The following TOX2 variants were observed in gnomAD, a reference collection of about 807,000 sequenced individuals.
TOX2 encodes granulosa cell HMG box 1.
A neutral mutation model predicts 47.4 loss-of-function variants in TOX2; 15 were observed. The observed-to-expected ratio is 0.32, with a 90% CI of 0.21 to 0.49. TOX2 has a LOEUF of 0.49. Ranked by LOEUF, TOX2 falls within the 20% of genes least tolerant of loss-of-function variation. TOX2 has a pLI of 0.99. For missense variants in TOX2, 622 were observed against 673.1 expected (o/e 0.92, Z 0.84); for synonymous variants, 290 against 296.6 (o/e 0.98, Z 0.23).
intron 5 of TOX2, among the ~76,000 whole-genome samples, chr20:44,056,490 C>T (rs933236769): frequency 5.9e-5 from 9 of 152,136 alleles, no homozygotes; most frequent in East Asian, 1.9e-4. Context: ...CCTATGTCCC[C>T]GGGCACTCCC....
intron 3 of TOX2, among the ~76,000 whole-genome samples, chr20:44,040,954 A>T (rs2030471908): frequency 6.6e-6 from 1 of 152,254 alleles, no homozygotes; most frequent in Non-Finnish European, 1.5e-5. Context: ...CAGACAGGGG[A>T]GACAGGAGCT....
intron 1 of TOX2, among the ~76,000 whole-genome samples, chr20:43,931,505 C>T (rs992186418): frequency 1.4e-4 from 22 of 152,336 alleles, no homozygotes; most frequent in African/African-American, 5.1e-4. Flanking sequence ...CTATCCTCCC[C>T]TGTGCTCCTG....
intron 1 of TOX2, among the ~76,000 whole-genome samples, chr20:43,930,648 G>A (rs1039101840): frequency 2.0e-5 from 3 of 152,136 alleles, no homozygotes; most frequent in African/African-American, 4.8e-5. Flanking sequence ...CCTGGCCTTC[G>A]GAGATAATAA....
intron 3 of TOX2, among the ~76,000 whole-genome samples, chr20:44,030,785 TCCTGAAAAA>T (rs879865091): frequency 6.6e-6 from 1 of 152,194 alleles, no homozygotes; most frequent in Non-Finnish European, 1.5e-5. Context: ...ACACATGCCT[TCCTGAAAAA>T]CCTGAAAAAT....
chr20:43,949,425 C>T lies in TOX2; in HGVS notation c.100-23942C>T, dbSNP rs79661156. Among the ~76,000 whole-genome samples the T allele has an allele frequency of 7.7e-3, 1,169 of 152,316 alleles. 16 individuals are homozygous for T. Among genetic ancestry groups the T allele is most frequent in the African/African-American group, 0.026 (1,101 of 41,564 alleles). On this transcript the variant is annotated intron_variant, in intron 1 of 8. Coordinates refer to ENST00000341197, the MANE Select transcript of TOX2 (RefSeq NM_001098797.2). ...TCTGAGAACCACCTGATGCGCACATCCCTCCCTGCTTAAAGCCTGTGGTTG... is the reference window on the plus strand; with the variant it reads ...TCTGAGAACCACCTGATGCGCACATTCCTCCCTGCTTAAAGCCTGTGGTTG...
chr20:44,016,365 C>A lies in TOX2; in HGVS notation c.411+9573C>A, dbSNP rs1283649836. On this transcript the variant is annotated intron_variant, in intron 3 of 8. Coordinates refer to ENST00000341197, the MANE Select transcript of TOX2 (RefSeq NM_001098797.2). ...TCTCGAACTCCTGAGCTCATGCAAT[C>A]TGCCTGCCTCAGCCTCCCAAAGTGC... Among the ~76,000 whole-genome samples the A allele has an allele frequency of 2.6e-5, 4 of 152,172 alleles. No individual in the cohort carries two copies. In the East Asian group the frequency reaches 7.7e-4, roughly 29 times the overall value.
chr20:43,918,759 T>C (rs1234080160), intron 1 of TOX2, among the ~76,000 whole-genome samples: 1 of 152,242 alleles, frequency 6.6e-6, no homozygotes, highest in Admixed American at 6.5e-5. Context: ...TTTGGGTTTG[T>C]TTCCAAGTTG....
intron 1 of TOX2, among the ~76,000 whole-genome samples, chr20:43,925,493 G>A (rs1246342277): frequency 1.3e-5 from 2 of 152,168 alleles, no homozygotes; most frequent in Admixed American, 6.5e-5. Flanking sequence ...GTGCTCACCC[G>A]CAGGAGGGAG....
At chr20:43,927,626 T>TTCCTTCCTCCCCTTCCCTTCC (rs2069188806) in intron 1 of TOX2, among the ~76,000 whole-genome samples, 47 of 6,020 alleles carry the variant, frequency 7.8e-3, no homozygotes, top group South Asian at 0.011. Context: ...CCTTCCTTCC[T>TTCCTTCCTCCCCTTCCCTTCC]CCTTCCTTCC....
intron 4 of TOX2, among the ~76,000 whole-genome samples, chr20:44,052,282 C>T (rs1299845395): frequency 6.6e-6 from 1 of 152,218 alleles, no homozygotes; most frequent in African/African-American, 2.4e-5. Flanking sequence ...TCTGGCCCTT[C>T]TTTGCATTGA....
chr20:43,966,871 T>C (rs1196226006), intron 1 of TOX2, among the ~76,000 whole-genome samples: 2 of 152,048 alleles, frequency 1.3e-5, no homozygotes, highest in Non-Finnish European at 2.9e-5. Flanking sequence ...ATGTGGAGTC[T>C]CTGCAGGGTT....
At chr20:44,056,977 A>G (rs2071630385) in intron 5 of TOX2, among the ~76,000 whole-genome samples, 2 of 152,208 alleles carry the variant, frequency 1.3e-5, no homozygotes, top group Admixed American at 6.5e-5. Context: ...TGGCATGATC[A>G]TAGCTCACTG....
intron 1 of TOX2, among the ~76,000 whole-genome samples, chr20:43,949,788 C>G (rs530019437): frequency 6.6e-6 from 1 of 152,210 alleles, no homozygotes; most frequent in Non-Finnish European, 1.5e-5. Context: ...GTCCCCTTCC[C>G]TGTGCCCGCT....
At chr20:43,945,593 A>G (rs2069454922) in intron 1 of TOX2, 1 of 316,074 alleles carries the variant, frequency 3.2e-6, no homozygotes, top group African/African-American at 2.1e-5. Context: ...CACCCCTCCC[A>G]AGGCAGCGTG....
At chr20:43,922,737 C>T (rs892179940) in intron 1 of TOX2, among the ~76,000 whole-genome samples, 1 of 152,196 alleles carries the variant, frequency 6.6e-6, no homozygotes, top group African/African-American at 2.4e-5. Flanking sequence ...CGTACAGTTG[C>T]TAATTCTGGT....
chr20:43,997,023 C>T (rs567029527), intron 2 of TOX2, among the ~76,000 whole-genome samples: 1 of 152,176 alleles, frequency 6.6e-6, no homozygotes, highest in Non-Finnish European at 1.5e-5. Context: ...CCATGCATCA[C>T]CAGGGAGTGA....
intron 3 of TOX2, among the ~76,000 whole-genome samples, chr20:44,044,612 G>A (rs1215382532): frequency 6.6e-6 from 1 of 152,132 alleles, no homozygotes; most frequent in Non-Finnish European, 1.5e-5. Flanking sequence ...TTGAAAAGAG[G>A]GAGAGAGAGA....
intron 1 of TOX2, among the ~76,000 whole-genome samples, chr20:43,938,510 T>C (rs1209297548): frequency 6.6e-6 from 1 of 152,208 alleles, no homozygotes; most frequent in Admixed American, 6.5e-5. Context: ...CTAGGAGTTA[T>C]CAGGATACTG....
intron 1 of TOX2, among the ~76,000 whole-genome samples, chr20:43,963,265 C>T (rs1482105487): frequency 6.6e-6 from 1 of 152,168 alleles, no homozygotes; most frequent in Non-Finnish European, 1.5e-5. Flanking sequence ...CACTACCCCT[C>T]GATGCCTTTT....
Sources: allele counts gnomAD v4.1 joint callset (sites outside exome capture counted in the v4.1 genomes callset), GRCh38; gene constraint gnomAD v4.1.1; transcripts MANE v1.5; gene names NCBI Gene and HGNC (gene_info 2026-07-23, HGNC 2026-07-21).